Variants in TTC32 observed in about 807,000 individuals in gnomAD.
TTC32 encodes the protein tetratricopeptide repeat domain 32.
TTC32 carries 16 observed loss-of-function variants against 15.3 expected under a neutral mutation model. The ratio of observed to expected loss-of-function variants is 1.05; its 90% CI spans 0.71 to 1.59. The LOEUF is 1.59. Ranked by LOEUF, TTC32 falls within the 40% of genes most tolerant of loss-of-function variation. The pLI is 0.00. For missense variants in TTC32, 188 were observed against 181.9 expected (o/e 1.03, Z -0.19); for synonymous variants, 89 against 67.8 (o/e 1.31, Z -1.53).
At chr2:19,901,572 TCCGCCCG>T in intron 1 of TTC32, 127 bp downstream of exon 1, 1 of 1,253,414 alleles carries the variant, frequency 8.0e-7, no homozygotes, top group South Asian at 1.6e-5. Context: ...AAGACGAACG[TCCGCCCG>T]CTCAGTCCTA....
At position 19,898,052 on chromosome 2, in the gene TTC32, C is replaced by T. The variant is rs773819233; in HGVS notation, c.150-17G>A. 6.8e-6 allele frequency: 10 copies of T among 1,476,824 alleles called. No homozygotes were observed. The South Asian group carries it at 1.4e-4, about 21-fold the overall frequency. 91.5% of individuals were successfully genotyped at this position (1,476,824 alleles called of 1,614,324 possible). A position where few individuals can be genotyped will look rare whatever the true frequency, so the allele number is the denominator to read the frequency against. ...CTGCATTTGCTTTAAACAAAAAGTT[C>T]ACATTAAAAACACCGTGTTACCAAA... is the stretch of plus-strand genomic sequence containing the variant. On this transcript the variant is annotated splice_polypyrimidine_tract_variant and intron_variant, in intron 1 of 2. Coordinates refer to ENST00000333610, the MANE Select transcript of TTC32 (RefSeq NM_001008237.3).
At chr2:19,898,144 A>G in intron 1 of TTC32, 109 bp from the exon 2 acceptor site, 1 of 991,118 alleles carries the variant, frequency 1.0e-6, no homozygotes, top group Non-Finnish European at 1.4e-6. Flanking sequence ...AACATGCAGC[A>G]TCAACACTGA....
Position 19,901,890 on chromosome 2 carries a change from G to T in TTC32, c.-36C>A. The T allele has an allele frequency of 6.2e-7, 1 of 1,612,562 alleles. No individual in the cohort carries two copies. Among genetic ancestry groups the T allele is most frequent in the Non-Finnish European group, 8.5e-7 (1 of 1,179,120 alleles). ...GCCTAGTTTTCGGTGTAGAATGGGG[G>T]TTGACCTCCGAGCGGTTAGAGGTGG... is the stretch of plus-strand genomic sequence containing the variant. On this transcript the variant is annotated 5_prime_UTR_variant, in exon 1 of 3. Coordinates refer to ENST00000333610, the MANE Select transcript of TTC32 (RefSeq NM_001008237.3).
chr2:19,900,775 G>GC (rs1392659904), intron 1 of TTC32, among the ~76,000 whole-genome samples: 1 of 152,222 alleles, frequency 6.6e-6, no homozygotes, highest in Admixed American at 6.5e-5. Flanking sequence ...AAGTATTCTT[G>GC]CCATGATATT....
At chr2:19,901,093 G>A (rs1270774786) in intron 1 of TTC32, 2 of 471,178 alleles carry the variant, frequency 4.2e-6, no homozygotes, top group Non-Finnish European at 8.8e-6. Flanking sequence ...ATGTGATGAT[G>A]ACATGGTGGT....
At chr2:19,901,301 T>C (rs1286312147) in intron 1 of TTC32, 2 of 296,324 alleles carry the variant, frequency 6.7e-6, no homozygotes, top group African/African-American at 4.5e-5. Flanking sequence ...CGTGACCCCT[T>C]CCCTTCCCAG....
At chr2:19,901,040 G>A (rs1219099432) in intron 1 of TTC32, 1 of 469,712 alleles carries the variant, frequency 2.1e-6, no homozygotes, top group Non-Finnish European at 4.4e-6. Context: ...CTTATTAGTC[G>A]ATCAGAATGG....
chr2:19,900,800 T>C (rs929101565), intron 1 of TTC32, among the ~76,000 whole-genome samples: 2 of 152,364 alleles, frequency 1.3e-5, no homozygotes, highest in Admixed American at 6.5e-5. Context: ...CTGAATTCAA[T>C]TGGATCAAAC....
intron 2 of TTC32, among the ~76,000 whole-genome samples, chr2:19,897,593 C>T (rs1033020056): frequency 6.6e-6 from 1 of 152,110 alleles, no homozygotes; most frequent in East Asian, 1.9e-4. Context: ...TCTGAATTGC[C>T]CTCATTTCAC....
chr2:19,897,296 G>A (rs2103366185), intron 2 of TTC32, among the ~76,000 whole-genome samples, 170 bp from the exon 3 acceptor site: 1 of 152,230 alleles, frequency 6.6e-6, no homozygotes, highest in South Asian at 2.1e-4. Flanking sequence ...GTATATCAAA[G>A]TAATTTTGTG....
At chr2:19,897,697 G>A (rs568991562) in intron 2 of TTC32, among the ~76,000 whole-genome samples, 172 bp downstream of exon 2, 1 of 152,222 alleles carries the variant, frequency 6.6e-6, no homozygotes, top group South Asian at 2.1e-4. Context: ...GATCTATAAC[G>A]CCTATCAAAA....
In TTC32 at chr2:19,896,881, GTATTA is replaced by G. The variant is rs1304508918; in HGVS notation, c.*101_*105del. 1.0e-5 allele frequency: 11 copies of G among 1,089,788 alleles called. No individual in the cohort carries two copies. Among genetic ancestry groups the G allele is most frequent in the African/African-American group, 1.6e-5 (1 of 61,024 alleles). The allele number at this position is 1,089,788 out of a possible 1,614,324, so 67.5% of individuals were successfully genotyped here. A position where few individuals can be genotyped will look rare whatever the true frequency, so the allele number is the denominator to read the frequency against. Reference sequence around the variant, plus strand: ...ACACTATTTAACTTTCAGTGCTAATGTATTAATTTCTTAAATATAAATCAAAATAG... The same window carrying G: ...ACACTATTTAACTTTCAGTGCTAATGATTTCTTAAATATAAATCAAAATAG... On this transcript the variant is annotated 3_prime_UTR_variant, in exon 3 of 3. Coordinates refer to ENST00000333610, the MANE Select transcript of TTC32 (RefSeq NM_001008237.3).
intron 1 of TTC32, among the ~76,000 whole-genome samples, chr2:19,898,800 G>A (rs16987220): frequency 0.25 from 38,300 of 152,174 alleles, 4,895 homozygotes; most frequent in Non-Finnish European, 0.25. Context: ...CCAGCCACCA[G>A]CTCAACAGGT....
At chr2:19,897,214 T>C in intron 2 of TTC32, 88 bp from the exon 3 acceptor site, 1 of 1,376,582 alleles carries the variant, frequency 7.3e-7, no homozygotes, top group Non-Finnish European at 9.8e-7. Flanking sequence ...ACATGTACTT[T>C]TGCTTTTATA....
intron 1 of TTC32, chr2:19,900,945 G>A (rs1669591096): frequency 1.4e-5 from 5 of 348,078 alleles, no homozygotes; most frequent in East Asian, 9.3e-5. Context: ...AAATAAAGAG[G>A]GGAAGGTGGA....
At position 19,896,986 on chromosome 2, in the gene TTC32, A is replaced by G. The variant is rs145834782; in HGVS notation, c.*1T>C. On this transcript the variant is annotated 3_prime_UTR_variant, in exon 3 of 3. Transcript: ENST00000333610. The stretch of plus-strand genomic sequence containing the variant: ...TCAATACTTCCATTAAGTTAAAAAT[A>G]TCAATAATTTTTTGCAACATTTCTT... The G allele has an allele frequency of 1.3e-6, 2 of 1,576,462 alleles. No homozygotes were observed. Among genetic ancestry groups the G allele is most frequent in the African/African-American group, 1.4e-5 (1 of 73,310 alleles).
chr2:19,900,151 T>G (rs1037507743), intron 1 of TTC32, among the ~76,000 whole-genome samples: 1 of 152,148 alleles, frequency 6.6e-6, no homozygotes, highest in Admixed American at 6.5e-5. Context: ...GGCTGAGAGG[T>G]GCAAAGAAGG....
At chr2:19,898,940 T>C (rs1669555271) in intron 1 of TTC32, among the ~76,000 whole-genome samples, 1 of 152,218 alleles carries the variant, frequency 6.6e-6, no homozygotes, top group Non-Finnish European at 1.5e-5. Context: ...AATTCTCAAA[T>C]TAGAACCAAA....
In TTC32 at chr2:19,901,914, G is replaced by A; in HGVS notation, c.-60C>T. 1.3e-6 allele frequency: 2 copies of A among 1,598,894 alleles called. No homozygotes were observed. Among genetic ancestry groups the A allele is most frequent in the Non-Finnish European group, 1.7e-6 (2 of 1,170,356 alleles). On this transcript the variant is annotated 5_prime_UTR_variant, in exon 1 of 3. Transcript: ENST00000333610. ...GGTTGACCTCCGAGCGGTTAGAGGT[G>A]GCACCACAAAGCCACTTCCACACCC... is the stretch of plus-strand genomic sequence containing the variant.
Sources: allele counts gnomAD v4.1 joint callset (sites outside exome capture counted in the v4.1 genomes callset), GRCh38; gene constraint gnomAD v4.1.1; transcripts MANE v1.5; gene names NCBI Gene and HGNC (gene_info 2026-07-23, HGNC 2026-07-21).